SECISBP2: variants seen among roughly 807,000 people sequenced by gnomAD.
SECISBP2 encodes the protein selenocysteine insertion sequence-binding protein 2.
A neutral mutation model predicts 98.2 loss-of-function variants in SECISBP2; 96 were observed. That is an observed-to-expected ratio of 0.98 (90% CI 0.83 to 1.16). SECISBP2 has a LOEUF of 1.16. Among genes scored for constraint, SECISBP2 ranks in the 50% most tolerant of loss-of-function variants. The pLI is 0.00. For synonymous variants in SECISBP2, 407 were observed against 370.2 expected (o/e 1.10, Z -1.14); for missense variants, 1,046 against 1,022.9 (o/e 1.02, Z -0.31).
At chr9:89,360,366 C>G (rs1832670497), downstream of SECISBP2, among the ~76,000 whole-genome samples, 1 of 152,140 alleles carries the variant, frequency 6.6e-6, no homozygotes, top group South Asian at 2.1e-4. Flanking sequence ...ATGAAAGTTC[C>G]AAAATTAATT....
chr9:89,346,751 G>T, intron 10 of SECISBP2, 131 bp from the exon 11 acceptor site: 1 of 905,294 alleles, frequency 1.1e-6, no homozygotes, highest in South Asian at 1.4e-5. Context: ...GAAGGGTTGT[G>T]GGGACAAGCT....
At chr9:89,326,680 A>G (rs998308470) in intron 4 of SECISBP2, among the ~76,000 whole-genome samples, 2 of 152,232 alleles carry the variant, frequency 1.3e-5, no homozygotes, top group African/African-American at 4.8e-5. Context: ...ATTCTGAGAA[A>G]TGTGCCCTTA....
chr9:89,343,357 CTTTTA>C (rs937808059), intron 10 of SECISBP2, among the ~76,000 whole-genome samples: 18 of 151,520 alleles, frequency 1.2e-4, no homozygotes, highest in African/African-American at 4.4e-4. Flanking sequence ...TTTTTTTAAA[CTTTTA>C]TTTTAGATTC....
chr9:89,337,115 C>T (rs563958745), intron 7 of SECISBP2, among the ~76,000 whole-genome samples: 1 of 152,298 alleles, frequency 6.6e-6, no homozygotes, highest in African/African-American at 2.4e-5. Flanking sequence ...AAGTCACTCT[C>T]AGAGCCGGTT....
intron 7 of SECISBP2, 72 bp downstream of exon 7, chr9:89,334,802 A>G (rs1828356509): frequency 1.8e-6 from 2 of 1,109,528 alleles, no homozygotes; most frequent in East Asian, 4.7e-5. Flanking sequence ...ATGAGAAGTT[A>G]TTTATTAATG....
Position 89,334,795 on chromosome 9 carries a change from A to T in SECISBP2, c.1089+65A>T, listed in dbSNP as rs527490844. On this transcript the variant is annotated intron_variant, in intron 7 of 16. Coordinates refer to ENST00000375807, the MANE Select transcript of SECISBP2 (RefSeq NM_024077.5). Reference sequence around the variant, plus strand: ...CAGGGGCTCAGTAGAGTGGGGAATGAGAAGTTATTTATTAATGGGTAGAGA... The same window carrying T: ...CAGGGGCTCAGTAGAGTGGGGAATGTGAAGTTATTTATTAATGGGTAGAGA... The T allele has an allele frequency of 5.8e-6, 7 of 1,214,294 alleles. No individual in the cohort carries two copies. In the East Asian group the frequency reaches 1.4e-4, roughly 24 times the overall value. 75.2% of individuals were successfully genotyped at this position (1,214,294 alleles called of 1,614,324 possible). A position where few individuals can be genotyped will look rare whatever the true frequency, so the allele number is the denominator to read the frequency against.
At chr9:89,362,169 A>G (rs1196171503), downstream of SECISBP2, 1 of 618,678 alleles carries the variant, frequency 1.6e-6, no homozygotes, top group African/African-American at 1.8e-5. Context: ...TGTCCCAGGT[A>G]AGCACCTAAT....
chr9:89,326,597 G>A (rs1488749979), intron 4 of SECISBP2, among the ~76,000 whole-genome samples: 5 of 152,318 alleles, frequency 3.3e-5, no homozygotes, highest in Admixed American at 3.3e-4. Context: ...ATGCCCAGCT[G>A]CACAATCAGG....
intron 10 of SECISBP2, among the ~76,000 whole-genome samples, chr9:89,341,811 A>G (rs2131846032): frequency 6.6e-6 from 1 of 152,360 alleles, no homozygotes; most frequent in South Asian, 2.1e-4. Flanking sequence ...CTCAAAATGA[A>G]TCAATGAGCT....
intron 2 of SECISBP2, among the ~76,000 whole-genome samples, chr9:89,320,083 G>T (rs1413655386): frequency 6.6e-6 from 1 of 152,202 alleles, no homozygotes; most frequent in Admixed American, 6.5e-5. Flanking sequence ...CAGGCCAGGC[G>T]CTGTGGCTCA....
At chr9:89,323,852 A>G (rs1361954554) in intron 2 of SECISBP2, 2 of 152,228 alleles carry the variant, frequency 1.3e-5, no homozygotes, top group African/African-American at 4.8e-5. Context: ...CAGAGGAGGA[A>G]GGACCAGTGA....
chr9:89,338,210 G>A lies in SECISBP2; in HGVS notation c.1090-248G>A, dbSNP rs1034943381. ...ATGATCTCCTCAAGCTGAAAACTAGGTTCTGTCCAAATCCACCAGTTTTCA... is the reference window on the plus strand; with the variant it reads ...ATGATCTCCTCAAGCTGAAAACTAGATTCTGTCCAAATCCACCAGTTTTCA... On this transcript the variant is annotated intron_variant, in intron 7 of 16. Transcript: ENST00000375807. Among the ~76,000 whole-genome samples the A allele has an allele frequency of 7.9e-5, 12 of 152,172 alleles. No homozygotes were observed. The South Asian group carries it at 8.3e-4, about 10-fold the overall frequency.
At chr9:89,319,854 T>G in intron 2 of SECISBP2, 57 bp downstream of exon 2, 1 of 1,572,492 alleles carries the variant, frequency 6.4e-7, no homozygotes, top group Non-Finnish European at 8.7e-7. Flanking sequence ...TTAATGGTGA[T>G]TAGACTTTCA....
intron 14 of SECISBP2, among the ~76,000 whole-genome samples, chr9:89,352,399 T>C (rs1831420934): frequency 6.6e-6 from 1 of 152,210 alleles, no homozygotes; most frequent in African/African-American, 2.4e-5. Flanking sequence ...TTTGTTGGAG[T>C]GCATCCTCCA....
chr9:89,359,045 G>A lies in SECISBP2; in HGVS notation c.*221G>A. On this transcript the variant is annotated 3_prime_UTR_variant, in exon 17 of 17. Transcript: ENST00000375807. ...GTGCAGGTGTTAATCTTCTCTAAAAGCCTGGTGATACAGCTCTGGCTTTCT... is the reference window on the plus strand; with the variant it reads ...GTGCAGGTGTTAATCTTCTCTAAAAACCTGGTGATACAGCTCTGGCTTTCT... The A allele has an allele frequency of 1.8e-6, 1 of 560,632 alleles. No individual in the cohort carries two copies. Among genetic ancestry groups the A allele is most frequent in the Middle Eastern group, 4.9e-4 (1 of 2,054 alleles). The allele number at this position is 560,632 out of a possible 1,614,324, so 34.7% of individuals were successfully genotyped here.
At chr9:89,363,235 C>A (rs554256722), downstream of SECISBP2, among the ~76,000 whole-genome samples, 2 of 152,176 alleles carry the variant, frequency 1.3e-5, no homozygotes, top group East Asian at 3.9e-4. Flanking sequence ...GCCCCTTGAT[C>A]TCCTGCAGTC....
downstream of SECISBP2, chr9:89,361,541 T>TA (rs1312313322): frequency 1.3e-5 from 2 of 152,326 alleles, no homozygotes; most frequent in African/African-American, 4.8e-5. Flanking sequence ...TCTTCAGAGA[T>TA]ACAGCTTTAA....
downstream of SECISBP2, chr9:89,362,110 A>C: frequency 1.8e-6 from 1 of 567,632 alleles, no homozygotes; most frequent in Non-Finnish European, 3.2e-6. Context: ...AGCAGCTATC[A>C]AAGCCTGTTA....
At position 89,359,615 on chromosome 9, in the gene SECISBP2, TTATTTTAAA is replaced by T. The variant is rs1454099971; in HGVS notation, c.*794_*802del. The T allele has an allele frequency of 1.3e-5, 2 of 152,216 alleles. No individual in the cohort carries two copies. The highest frequency in any genetic ancestry group is 4.8e-5 in the African/African-American group (2 of 41,456). The allele number at this position is 152,216 out of a possible 1,614,324, so 9.4% of individuals were successfully genotyped here. On this transcript the variant is annotated 3_prime_UTR_variant, in exon 17 of 17. Transcript: ENST00000375807. ...TTTCCCTGTAAGTAAGAGGGCTTAT[TTATTTTAAA>T]TAAAGAGTAATTATTAAATTTTGTT...
Sources: allele counts gnomAD v4.1 joint callset (sites outside exome capture counted in the v4.1 genomes callset), GRCh38; gene constraint gnomAD v4.1.1; transcripts MANE v1.5; gene names NCBI Gene and HGNC (gene_info 2026-07-23, HGNC 2026-07-21).